The following TDRD12 variants were observed in gnomAD, a reference collection of about 807,000 sequenced individuals.
TDRD12 encodes the protein tudor domain containing 12.
A neutral mutation model predicts 133.5 loss-of-function variants in TDRD12; 158 were observed. The observed-to-expected ratio is 1.18, with a 90% confidence interval of 1.04 to 1.35. The LOEUF (loss-of-function observed/expected upper bound fraction) is 1.35. Ranked by LOEUF, TDRD12 falls within the 40% of genes most tolerant of loss-of-function variation. The pLI, the probability that TDRD12 is intolerant of heterozygous loss-of-function variation, is 0.00. For synonymous variants in TDRD12, 460 were observed against 477.9 expected (o/e 0.96, Z 0.49); for missense variants, 1,443 against 1,321.3 (o/e 1.09, Z -1.43).
At chr19:32,768,332 A>T (rs1011428583) in intron 8 of TDRD12, among the ~76,000 whole-genome samples, 1 of 150,868 alleles carries the variant, frequency 6.6e-6, no homozygotes, top group Admixed American at 6.6e-5. Context: ...AGATAAGAAT[A>T]TATGTTTTTA....
At chr19:32,781,981 A>G (rs75675709) in intron 11 of TDRD12, among the ~76,000 whole-genome samples, 1 of 132,638 alleles carries the variant, frequency 7.5e-6, no homozygotes, top group Non-Finnish European at 1.6e-5. Flanking sequence ...TTTTTTTTTT[A>G]TTATACTTAA....
chr19:32,799,018 A>G (rs1345845511), intron 16 of TDRD12, among the ~76,000 whole-genome samples: 1 of 152,196 alleles, frequency 6.6e-6, no homozygotes, highest in Non-Finnish European at 1.5e-5. Flanking sequence ...TTGGATATTC[A>G]ACATAATTTG....
At chr19:32,778,192 GGCTTCCCA>G (rs1228284751) in intron 11 of TDRD12, among the ~76,000 whole-genome samples, 6 of 151,814 alleles carry the variant, frequency 4.0e-5, no homozygotes, top group Non-Finnish European at 8.8e-5. Context: ...CAGCCATGTG[GGCTTCCCA>G]GCTTCCCAGA....
intron 6 of TDRD12, among the ~76,000 whole-genome samples, chr19:32,753,872 G>A (rs958089989): frequency 2.0e-5 from 3 of 151,904 alleles, no homozygotes; most frequent in African/African-American, 4.8e-5. Flanking sequence ...CTCGTTGGCC[G>A]CAGTCTACGT....
chr19:32,811,080 T>C, intron 23 of TDRD12, 130 bp from the exon 24 acceptor site: 4 of 692,726 alleles, frequency 5.8e-6, no homozygotes, highest in Non-Finnish European at 9.4e-6. Flanking sequence ...CTTAGTTTTT[T>C]ATTTCTAGTA....
chr19:32,737,011 A>T (rs200018864), intron 2 of TDRD12, among the ~76,000 whole-genome samples: 9 of 27,886 alleles, frequency 3.2e-4, no homozygotes, highest in Non-Finnish European at 3.7e-4. Context: ...CAGGACACTT[A>T]ACATTAGCTT....
At chr19:32,771,783 C>A (rs1212963676) in intron 8 of TDRD12, among the ~76,000 whole-genome samples, 1 of 152,112 alleles carries the variant, frequency 6.6e-6, no homozygotes, top group East Asian at 1.9e-4. Flanking sequence ...CAGAAGACCA[C>A]GTGACATGCA....
At chr19:32,821,907 T>TA (rs1294773490), downstream of TDRD12, among the ~76,000 whole-genome samples, 1 of 152,208 alleles carries the variant, frequency 6.6e-6, no homozygotes, top group African/African-American at 2.4e-5. Flanking sequence ...TGCACGGACT[T>TA]AGCAGACATT....
intron 1 of TDRD12, among the ~76,000 whole-genome samples, 164 bp downstream of exon 1, chr19:32,720,260 C>T (rs1968588570): frequency 1.0e-5 from 1 of 99,372 alleles, no homozygotes; most frequent in Non-Finnish European, 2.1e-5. Context: ...ACAGCCCCCA[C>T]CCCTCCCCCC....
intron 8 of TDRD12, among the ~76,000 whole-genome samples, chr19:32,771,430 G>T (rs1970440049): frequency 6.6e-6 from 1 of 152,192 alleles, no homozygotes; most frequent in Non-Finnish European, 1.5e-5. Flanking sequence ...TAAGTGCAGG[G>T]TTTACAGGCA....
At chr19:32,805,679 T>C (rs76243912) in intron 21 of TDRD12, among the ~76,000 whole-genome samples, 12,315 of 151,922 alleles carry the variant, frequency 0.081, 898 homozygotes, top group East Asian at 0.23. Flanking sequence ...TCAAGGTTGT[T>C]TGGCTATTTT....
At position 32,738,914 on chromosome 19, in the gene TDRD12, T is replaced by TTACGCAGACCAGTACCTGCAGACTGG; in HGVS notation, c.246_247insCAGACCAGTACCTGCAGACTGGTACG (p.Ser83GlnfsTer38). ...TGGTGCAGGGCCATTGTCAAATCAATTACGTCTTCCGCAGACCAGTACCTG... is the reference window on the plus strand; with the variant it reads ...TGGTGCAGGGCCATTGTCAAATCAATTACGCAGACCAGTACCTGCAGACTGGTACGTCTTCCGCAGACCAGTACCTG... On this transcript the variant is annotated frameshift_variant, in exon 3 of 28. Coordinates refer to ENST00000444215, the Ensembl canonical transcript of TDRD12. LOFTEE classifies it high-confidence loss of function. 1 of 1,551,474 alleles carries TTACGCAGACCAGTACCTGCAGACTGG rather than the reference T, an allele frequency of 6.4e-7. No individual in the cohort carries two copies. The highest frequency in any genetic ancestry group is 8.7e-7 in the Non-Finnish European group (1 of 1,147,004).
chr19:32,775,637 T>C (rs1970560165), intron 10 of TDRD12, among the ~76,000 whole-genome samples: 1 of 152,152 alleles, frequency 6.6e-6, no homozygotes. Flanking sequence ...CCGGCCTATA[T>C]TTCTTGTTTC....
At chr19:32,770,665 A>G (rs922675627) in intron 8 of TDRD12, among the ~76,000 whole-genome samples, 3 of 152,102 alleles carry the variant, frequency 2.0e-5, no homozygotes, top group African/African-American at 7.2e-5. Flanking sequence ...TCTGTTCTTT[A>G]TTAGCTGAAA....
intron 23 of TDRD12, 123 bp from the exon 24 acceptor site, chr19:32,811,087 A>G: frequency 1.4e-6 from 1 of 727,672 alleles, no homozygotes; most frequent in South Asian, 1.9e-5. Context: ...TTTTATTTCT[A>G]GTATAGAGTA....
At chr19:32,734,005 C>A (rs1426571682) in intron 2 of TDRD12, among the ~76,000 whole-genome samples, 1 of 151,852 alleles carries the variant, frequency 6.6e-6, no homozygotes, top group Non-Finnish European at 1.5e-5. Context: ...CGTTCTCCCG[C>A]CTTAGCCTCC....
Position 32,810,280 on chromosome 19 carries a change from A to G in TDRD12, c.2837+3A>G, listed in dbSNP as rs1451893639. On this transcript the variant is annotated splice_donor_region_variant and intron_variant, in intron 23 of 27. Coordinates refer to ENST00000444215, the Ensembl canonical transcript of TDRD12. ...GCAGAAAAAACGCTTTTTCACAGGTAACACATCTGTTTACTTCATCTGTAA... is the reference window on the plus strand; with the variant it reads ...GCAGAAAAAACGCTTTTTCACAGGTGACACATCTGTTTACTTCATCTGTAA... 2.0e-6 allele frequency: 3 copies of G among 1,509,654 alleles called. No individual in the cohort carries two copies. Among genetic ancestry groups the G allele is most frequent in the East Asian group, 2.5e-5 (1 of 40,626 alleles). The allele number at this position is 1,509,654 out of a possible 1,614,324, so 93.5% of individuals were successfully genotyped here.
chr19:32,828,633 G>A (rs1401470562), exon 10 of TDRD12: 2 of 152,178 alleles, frequency 1.3e-5, no homozygotes, highest in Non-Finnish European at 2.9e-5. Flanking sequence ...GTATCAGAAA[G>A]CGCCAATGCC....
chr19:32,725,391 A>G (rs1427967538), intron 1 of TDRD12, among the ~76,000 whole-genome samples: 2 of 151,754 alleles, frequency 1.3e-5, no homozygotes, highest in Admixed American at 6.6e-5. Context: ...TAATTTTTGT[A>G]TAAGGTGTAA....
Sources: gnomAD v4.1 joint callset for allele counts (sites outside exome capture counted in the v4.1 genomes callset) on GRCh38, gnomAD v4.1.1 for gene constraint, MANE v1.5 for transcripts, NCBI Gene and HGNC (gene_info 2026-07-23, HGNC 2026-07-21) for gene names.